Variants in STIM2 observed in about 807,000 individuals in gnomAD.
The protein encoded by STIM2 is stromal interaction molecule 2.
STIM2 carries 31 observed loss-of-function variants against 85.8 expected under a neutral mutation model. The observed-to-expected ratio is 0.36, with a 90% CI of 0.27 to 0.49. STIM2 has a LOEUF of 0.49. STIM2 is among the 20% of genes least tolerant of loss of function. The probability of loss-of-function intolerance (pLI) is 0.98; values close to 1 mark genes in which losing one functional copy is unlikely to be tolerated. For synonymous variants in STIM2, 356 were observed against 331.1 expected, an observed-to-expected ratio of 1.08 and a Z score of -0.82; for missense variants, 841 against 927.6, an observed-to-expected ratio of 0.91 and a Z score of 1.21.
At chr4:26,884,532 T>G (rs910356052) in intron 1 of STIM2, among the ~76,000 whole-genome samples, 13 of 152,230 alleles carry the variant, frequency 8.5e-5, no homozygotes, top group African/African-American at 3.1e-4. Flanking sequence ...CTGCTTCTAC[T>G]GCAACTGCTT....
At chr4:26,906,440 GTTT>G (rs1211425958) in intron 1 of STIM2, among the ~76,000 whole-genome samples, 1 of 116,128 alleles carries the variant, frequency 8.6e-6, no homozygotes, top group Non-Finnish European at 1.8e-5. Flanking sequence ...AAGTTTGTTT[GTTT>G]TTTTTTTTTT....
chr4:27,003,170 C>G, intron 7 of STIM2, 66 bp downstream of exon 7: 1 of 1,457,428 alleles, frequency 6.9e-7, no homozygotes, highest in Non-Finnish European at 9.1e-7. Context: ...GAGCCAGGTC[C>G]TGTTTTTCTT....
intron 1 of STIM2, among the ~76,000 whole-genome samples, chr4:26,916,312 G>GTT (rs1306720097): frequency 6.6e-6 from 1 of 152,196 alleles, no homozygotes; most frequent in Non-Finnish European, 1.5e-5. Flanking sequence ...TTCAACTCCT[G>GTT]TCTTTCCTCT....
At chr4:26,886,909 GGAGA>G (rs907421240) in intron 1 of STIM2, among the ~76,000 whole-genome samples, 3 of 152,150 alleles carry the variant, frequency 2.0e-5, no homozygotes, top group African/African-American at 7.2e-5. Flanking sequence ...TTTTGTCCGG[GGAGA>G]GAAAGTGCTA....
At chr4:26,884,737 G>A (rs1723149457) in intron 1 of STIM2, among the ~76,000 whole-genome samples, 1 of 152,190 alleles carries the variant, frequency 6.6e-6, no homozygotes, top group Admixed American at 6.5e-5. Context: ...CATTTATTGA[G>A]TACTTACGTA....
chr4:26,973,450 A>T (rs1350382859), intron 3 of STIM2, among the ~76,000 whole-genome samples: 1 of 152,062 alleles, frequency 6.6e-6, no homozygotes, highest in Admixed American at 6.6e-5. Context: ...CTTTGTTCTC[A>T]TTGGTTTCAA....
At chr4:26,982,182 A>C (rs1425588303) in intron 3 of STIM2, among the ~76,000 whole-genome samples, 1 of 152,194 alleles carries the variant, frequency 6.6e-6, no homozygotes, top group African/African-American at 2.4e-5. Flanking sequence ...GTATATCAAC[A>C]TCTTGTCCGT....
chr4:26,890,823 CAA>C (rs60092225), intron 1 of STIM2, among the ~76,000 whole-genome samples: 12 of 51,026 alleles, frequency 2.4e-4, no homozygotes, highest in African/African-American at 3.2e-4. Flanking sequence ...GACTCCGTCT[CAA>C]AAAAAAAAAA....
chr4:26,966,203 C>T (rs1344887517), intron 3 of STIM2, among the ~76,000 whole-genome samples: 2 of 152,024 alleles, frequency 1.3e-5, no homozygotes, highest in Non-Finnish European at 2.9e-5. Context: ...AAACAGTAGC[C>T]TTTTTTGGAC....
chr4:26,998,174 T>C (rs1389727040), intron 4 of STIM2, among the ~76,000 whole-genome samples: 2 of 152,216 alleles, frequency 1.3e-5, no homozygotes, highest in East Asian at 3.8e-4. Flanking sequence ...ATTATTAGAC[T>C]TTGTGTAATG....
chr4:26,862,952 T>G (rs1722273342), intron 1 of STIM2, among the ~76,000 whole-genome samples: 1 of 152,210 alleles, frequency 6.6e-6, no homozygotes, highest in South Asian at 2.1e-4. Context: ...TAAGTGGTTC[T>G]AGGTTTCTCG....
At chr4:26,862,121 C>T (rs916725945) in intron 1 of STIM2, among the ~76,000 whole-genome samples, 11 of 152,058 alleles carry the variant, frequency 7.2e-5, no homozygotes, top group African/African-American at 2.7e-4. Flanking sequence ...ACTGCACTAG[C>T]ACCTTTTTTT....
At chr4:26,931,146 C>G (rs568668575) in intron 2 of STIM2, among the ~76,000 whole-genome samples, 4 of 152,212 alleles carry the variant, frequency 2.6e-5, no homozygotes, top group African/African-American at 9.6e-5. Flanking sequence ...CAATGGGGTT[C>G]CCTCAGCCCA....
At chr4:26,864,560 G>A (rs1044391708) in intron 1 of STIM2, among the ~76,000 whole-genome samples, 2 of 151,944 alleles carry the variant, frequency 1.3e-5, no homozygotes, top group East Asian at 1.9e-4. Context: ...GAATTTTTGG[G>A]AACAAATTTT....
chr4:26,874,183 G>A, intron 1 of STIM2: 1 of 493,676 alleles, frequency 2.0e-6, no homozygotes, highest in South Asian at 1.6e-5. Context: ...ATGGCTGTCA[G>A]GGGCAGCCTC....
intron 2 of STIM2, among the ~76,000 whole-genome samples, chr4:26,928,192 C>T (rs1289607921): frequency 1.3e-5 from 2 of 152,044 alleles, no homozygotes; most frequent in Admixed American, 6.6e-5. Flanking sequence ...CCCTTATGGT[C>T]CTATTACCTC....
At chr4:27,017,104 G>A (rs1728756740) in intron 10 of STIM2, among the ~76,000 whole-genome samples, 2 of 152,178 alleles carry the variant, frequency 1.3e-5, no homozygotes, top group Admixed American at 1.3e-4. Flanking sequence ...AGATGTAGGG[G>A]AAGTTTGTTT....
At position 27,021,167 on chromosome 4, in the gene STIM2, A is replaced by G; in HGVS notation, c.1764-1352A>G. ...TTCATCCAACACATTTTTATGAAGTACCTACCGTAAACTTGCCACTCTTCT... is the reference window on the plus strand; with the variant it reads ...TTCATCCAACACATTTTTATGAAGTGCCTACCGTAAACTTGCCACTCTTCT... On this transcript the variant is annotated intron_variant, in intron 11 of 11. Coordinates refer to ENST00000467087, the MANE Select transcript of STIM2 (RefSeq NM_020860.4). The G allele has an allele frequency of 2.8e-6, 3 of 1,080,156 alleles. No homozygotes were observed. In the Admixed American group the frequency reaches 6.2e-5, roughly 22 times the overall value. The allele number at this position is 1,080,156 out of a possible 1,614,324, so 66.9% of individuals were successfully genotyped here.
chr4:26,917,163 C>T (rs1222737263), intron 1 of STIM2, among the ~76,000 whole-genome samples: 1 of 152,074 alleles, frequency 6.6e-6, no homozygotes, highest in Non-Finnish European at 1.5e-5. Flanking sequence ...TAATCGAGTA[C>T]AGCATTAAGT....
Sources: gnomAD v4.1 joint callset for allele counts (sites outside exome capture counted in the v4.1 genomes callset) on GRCh38, gnomAD v4.1.1 for gene constraint, MANE v1.5 for transcripts, NCBI Gene and HGNC (gene_info 2026-07-23, HGNC 2026-07-21) for gene names.